The following SLC19A2 variants were observed in gnomAD, a reference collection of about 807,000 sequenced individuals.
SLC19A2 encodes the protein thiamine transporter 1.
Under a neutral mutation model 44.7 loss-of-function variants are expected in SLC19A2, and 27 were observed. That is an observed-to-expected ratio of 0.60 (90% CI 0.45 to 0.83). The LOEUF (loss-of-function observed/expected upper bound fraction) is 0.83, where lower values mean the gene tolerates loss of function less well. SLC19A2 is among the 40% of genes least tolerant of loss of function. SLC19A2 has a pLI of 0.00. For synonymous variants in SLC19A2, 239 were observed against 243.6 expected (o/e 0.98, Z 0.18); for missense variants, 566 against 613.7 (o/e 0.92, Z 0.82).
chr1:169,480,453 C>T (rs1193557205), intron 1 of SLC19A2, among the ~76,000 whole-genome samples: 1 of 152,056 alleles, frequency 6.6e-6, no homozygotes, highest in Non-Finnish European at 1.5e-5. Flanking sequence ...GCTGGAATTA[C>T]AGGTGCCTGT....
At chr1:169,475,383 G>T (rs900272872) in intron 2 of SLC19A2, among the ~76,000 whole-genome samples, 4 of 151,790 alleles carry the variant, frequency 2.6e-5, no homozygotes, top group African/African-American at 9.7e-5. Context: ...GTATGTACAG[G>T]TTTTCTATGT....
intron 1 of SLC19A2, among the ~76,000 whole-genome samples, chr1:169,478,523 A>ATTTTTTTTT (rs35141285): frequency 1.5e-5 from 1 of 66,608 alleles, no homozygotes; most frequent in Non-Finnish European, 2.6e-5. Context: ...CAACCAGCTA[A>ATTTTTTTTT]TTTTTTTTTT....
At chr1:169,477,906 C>T in intron 1 of SLC19A2, 149 bp from the exon 2 acceptor site, 1 of 827,528 alleles carries the variant, frequency 1.2e-6, no homozygotes, top group East Asian at 2.7e-5. Context: ...TTGAAAATGT[C>T]TTTTCTCTCT....
chr1:169,463,949 T>C lies in SLC19A2; in HGVS notation c.*1900A>G, dbSNP rs1042480823. 5 of 151,996 alleles carry C rather than the reference T, an allele frequency of 3.3e-5. No homozygotes were observed. Among genetic ancestry groups the C allele is most frequent in the African/African-American group, 1.2e-4 (5 of 41,436 alleles). The allele number at this position is 151,996 out of a possible 1,614,324, so 9.4% of individuals were successfully genotyped here. On this transcript the variant is annotated 3_prime_UTR_variant, in exon 6 of 6. Coordinates refer to ENST00000236137, the MANE Select transcript of SLC19A2 (RefSeq NM_006996.3). ...GAAAATATACTGTAAAATATTTATT[T>C]AATAAAAATAATTTTATAATCTATA...
chr1:169,482,909 C>T (rs2101785399), intron 1 of SLC19A2, among the ~76,000 whole-genome samples: 1 of 152,038 alleles, frequency 6.6e-6, no homozygotes, highest in African/African-American at 2.4e-5. Flanking sequence ...GAATATCAGG[C>T]AAAATAGGTG....
chr1:169,478,435 C>T (rs1020675801), intron 1 of SLC19A2, among the ~76,000 whole-genome samples: 21 of 151,188 alleles, frequency 1.4e-4, no homozygotes, highest in African/African-American at 2.2e-4. Context: ...TTCACTGCAA[C>T]CTCCGCCTCA....
rs777538085 is a variant in SLC19A2, at chr1:169,477,205, T to C, written c.757A>G (p.Ile253Val). The change falls in exon 2 of 6, where the codon ATT becomes GTT. Residue 253 changes from isoleucine to valine, a missense_variant. Ile to Val is a conservative substitution (Grantham distance 29). Coordinates refer to ENST00000236137, the MANE Select transcript of SLC19A2 (RefSeq NM_006996.3). ...ATATTTAGAGGGATTTTTGACTCAA[T>C]GTCCTCCCAGCCAGGAAGGTGGTTA... The part of the protein sequence containing the change: ...ASNHLPGWED[I>V]ESKIPLNMEE... The C allele has an allele frequency of 6.2e-7, 1 of 1,613,936 alleles. No individual in the cohort carries two copies. Among genetic ancestry groups the C allele is most frequent in the African/African-American group, 1.3e-5 (1 of 74,912 alleles).
chr1:169,476,601 C>G (rs532823015), intron 2 of SLC19A2, among the ~76,000 whole-genome samples: 23 of 152,134 alleles, frequency 1.5e-4, no homozygotes, highest in African/African-American at 5.5e-4. Flanking sequence ...GCCCATAATC[C>G]CAGCTACTAG....
At chr1:169,472,299 A>C (rs1658204564) in intron 2 of SLC19A2, among the ~76,000 whole-genome samples, 1 of 152,224 alleles carries the variant, frequency 6.6e-6, no homozygotes, top group African/African-American at 2.4e-5. Context: ...TTGCTTAACC[A>C]ATATAACTTG....
intron 1 of SLC19A2, among the ~76,000 whole-genome samples, chr1:169,484,718 C>G (rs184534697): frequency 1.3e-5 from 2 of 151,856 alleles, no homozygotes; most frequent in African/African-American, 4.8e-5. Context: ...GTACACTATG[C>G]GCTTCTGAAG....
intron 3 of SLC19A2, chr1:169,469,106 A>C (rs1658108122): frequency 2.3e-6 from 1 of 430,766 alleles, no homozygotes; most frequent in Admixed American, 4.1e-5. Context: ...CTAAGGAAAA[A>C]AAATGCTGCA....
intron 1 of SLC19A2, among the ~76,000 whole-genome samples, chr1:169,478,034 A>ATT (rs1173001885): frequency 6.6e-6 from 1 of 151,838 alleles, no homozygotes; most frequent in African/African-American, 2.4e-5. Context: ...AGCCTCCCGA[A>ATT]TAGCTGAGAT....
intron 1 of SLC19A2, among the ~76,000 whole-genome samples, chr1:169,482,141 C>T (rs1320603681): frequency 6.6e-6 from 1 of 151,870 alleles, no homozygotes; most frequent in African/African-American, 2.4e-5. Context: ...GCAGAGATTG[C>T]AGTGAGCCGA....
In SLC19A2 at chr1:169,477,157, G is replaced by A. The variant is rs147483952; in HGVS notation, c.805C>T (p.Pro269Ser). 11 of 1,613,430 alleles carry A rather than the reference G, an allele frequency of 6.8e-6. No homozygotes were observed. The highest frequency in any genetic ancestry group is 8.5e-6 in the Non-Finnish European group (10 of 1,179,898). The change falls in exon 2 of 6, where the codon CCG becomes TCG. Residue 269 changes from proline (P) to serine (S), a missense_variant and splice_region_variant. Physicochemically the swap from Pro to Ser is moderately conservative, Grantham distance 74. Transcript: ENST00000236137. ...LNMEEPPVEE[P>S]EPKPDRLLVL... Reference sequence around the variant, plus strand: ...AAGATATTTAAGGCTGAGCTTACCGGTTCCTCCACGGGAGGCTCCTCCATA... The same window carrying A: ...AAGATATTTAAGGCTGAGCTTACCGATTCCTCCACGGGAGGCTCCTCCATA...
At chr1:169,476,132 C>A (rs1355752957) in intron 2 of SLC19A2, among the ~76,000 whole-genome samples, 1 of 148,834 alleles carries the variant, frequency 6.7e-6, no homozygotes, top group Non-Finnish European at 1.5e-5. Flanking sequence ...ACAAAAAAAA[C>A]ACTTGAATAT....
chr1:169,464,851 G>T lies in SLC19A2; in HGVS notation c.*998C>A, dbSNP rs1657950249. 6.6e-6 allele frequency: 1 copy of T among 152,428 alleles called. No homozygotes were observed. The highest frequency in any genetic ancestry group is 1.5e-5 in the Non-Finnish European group (1 of 67,970). 9.4% of individuals were successfully genotyped at this position (152,428 alleles called of 1,614,324 possible). ...GGCTCAGTTTATGAAAAAGGCCTTG[G>T]ACTAATGCAATTCCTATTGACATCT... On this transcript the variant is annotated 3_prime_UTR_variant, in exon 6 of 6. Coordinates refer to ENST00000236137, the MANE Select transcript of SLC19A2 (RefSeq NM_006996.3).
intron 1 of SLC19A2, among the ~76,000 whole-genome samples, chr1:169,482,653 T>C (rs1337663981): frequency 6.6e-6 from 1 of 152,206 alleles, no homozygotes; most frequent in Admixed American, 6.5e-5. Flanking sequence ...TTCTTCAAAA[T>C]GGACCTTGAA....
intron 1 of SLC19A2, among the ~76,000 whole-genome samples, chr1:169,485,334 G>C (rs1658530896): frequency 6.6e-6 from 1 of 152,238 alleles, no homozygotes; most frequent in South Asian, 2.1e-4. Context: ...ACAAGGCACG[G>C]GGCCTCTGGA....
chr1:169,477,528 A>G lies in SLC19A2; in HGVS notation c.434T>C (p.Ile145Thr), dbSNP rs775858638. The change falls in exon 2 of 6, where the codon ATC (isoleucine) becomes ACC (threonine). Residue 145 changes from isoleucine to threonine, a missense_variant. Coordinates refer to ENST00000236137, the MANE Select transcript of SLC19A2 (RefSeq NM_006996.3). ...TATEIAYYSY[I>T]YSVVDLGMYQ... ...CATGCCCAGGTCCACCACACTGTAG[A>G]TATAAGAGTAATAGGCAATTTCAGT... The G allele has an allele frequency of 1.2e-6, 2 of 1,614,174 alleles. No homozygotes were observed. The highest frequency in any genetic ancestry group is 1.7e-6 in the Non-Finnish European group (2 of 1,180,036).
Sources: gnomAD v4.1 joint callset for allele counts (sites outside exome capture counted in the v4.1 genomes callset) on GRCh38, gnomAD v4.1.1 for gene constraint, MANE v1.5 for transcripts, NCBI Gene and HGNC (gene_info 2026-07-23, HGNC 2026-07-21) for gene names.